Variants in MRE11 observed in about 807,000 individuals in gnomAD.
MRE11 encodes the protein MRE11 double strand break repair nuclease.
In MRE11, 62 loss-of-function variants were observed where a neutral mutation model predicts 91.7. That is an observed-to-expected ratio of 0.68 (90% CI 0.55 to 0.84). The LOEUF is 0.84. Among genes scored for constraint, MRE11 ranks in the 40% least tolerant of loss-of-function variants. MRE11 has a pLI of 0.00. For missense variants in MRE11, 796 were observed against 852.9 expected (o/e 0.93, Z 0.83); for synonymous variants, 273 against 271.4 (o/e 1.01, Z -0.06).
rs538128033 is a variant in MRE11 at position 94,430,809 on chromosome 11, T to C, written c.1995-823A>G. Among the ~76,000 whole-genome samples the C allele has an allele frequency of 1.1e-4, 16 of 152,340 alleles. No homozygotes were observed. In the East Asian group the frequency reaches 3.1e-3, roughly 29 times the overall value. ...AAGCTTAACTTGCAGTAAATTCCTA[T>C]GTCTTTTAATTAATAAGAAATTTAA... is the stretch of plus-strand genomic sequence containing the variant. On this transcript the variant is annotated intron_variant, in intron 18 of 19. Coordinates refer to ENST00000323929, the MANE Select transcript of MRE11 (RefSeq NM_005591.4).
At chr11:94,471,784 A>G (rs1214021077) in intron 7 of MRE11, 25 bp from the exon 8 acceptor site, 2 of 1,570,280 alleles carry the variant, frequency 1.3e-6, no homozygotes, top group Admixed American at 3.4e-5. Context: ...TGAAAAATAT[A>G]AATTCGGTGA....
intron 7 of MRE11, chr11:94,475,709 G>A (rs1407620939): frequency 2.2e-6 from 1 of 444,882 alleles, no homozygotes; most frequent in Non-Finnish European, 4.5e-6. Flanking sequence ...TTGCATATAT[G>A]TAGCAGGAAA....
In MRE11 at chr11:94,459,401, T is replaced by A. The variant is rs1262726842; in HGVS notation, c.1500+7A>T. The stretch of plus-strand genomic sequence containing the variant: ...AATAGACCTAGACACTCAAATTAGT[T>A]ACTTACCTCCTCATCGATTTTGTCT... On this transcript the variant is annotated splice_region_variant and intron_variant, in intron 13 of 19. Transcript: ENST00000323929. The A allele has an allele frequency of 1.2e-6, 2 of 1,613,744 alleles. No homozygotes were observed. The highest frequency in any genetic ancestry group is 1.7e-6 in the Non-Finnish European group (2 of 1,179,762).
chr11:94,451,605 C>G (rs1013651967), intron 14 of MRE11, among the ~76,000 whole-genome samples: 1 of 151,972 alleles, frequency 6.6e-6, no homozygotes, highest in Non-Finnish European at 1.5e-5. Flanking sequence ...ACCAATATAT[C>G]CATTACCAGG....
rs144464343 is a variant in MRE11 at position 94,454,135 on chromosome 11, G to A, written c.1563+2141C>T. On this transcript the variant is annotated intron_variant, in intron 14 of 19. Coordinates refer to ENST00000323929, the MANE Select transcript of MRE11 (RefSeq NM_005591.4). ...GTCATCCAGGTTGGAGTGCAGTGGC[G>A]TCATCTCGGCTCATTGCAACCTCTG... 2.9e-4 allele frequency among the ~76,000 whole-genome samples: 44 copies of A among 150,060 alleles called. No homozygotes were observed. In the East Asian group the frequency reaches 8.2e-3, roughly 28 times the overall value.
intron 14 of MRE11, among the ~76,000 whole-genome samples, chr11:94,452,027 GAAACC>G (rs1423679986): frequency 6.6e-6 from 1 of 152,024 alleles, no homozygotes; most frequent in Non-Finnish European, 1.5e-5. Context: ...CCACCATGGT[GAAACC>G]CTGTCTCTAC....
chr11:94,467,319 C>T (rs561630225), intron 10 of MRE11, among the ~76,000 whole-genome samples: 5 of 151,862 alleles, frequency 3.3e-5, no homozygotes, highest in Non-Finnish European at 7.4e-5. Context: ...ACAAATAAAC[C>T]GTACATAGAT....
intron 10 of MRE11, among the ~76,000 whole-genome samples, chr11:94,467,392 A>C (rs12788484): frequency 0.048 from 7,250 of 152,190 alleles, 432 homozygotes; most frequent in African/African-American, 0.14. Context: ...AGGTAAGTGA[A>C]ATCAGGGCAC....
Position 94,476,282 on chromosome 11 carries a change from G to A in MRE11, c.659+7C>T. On this transcript the variant is annotated splice_region_variant and intron_variant, in intron 7 of 19. Transcript: ENST00000323929. The stretch of plus-strand genomic sequence containing the variant: ...TTGGCTCAAACTTTTTCAGAGAAAA[G>A]TTTTACCTGTTCTGATGAATCACAA... 6.3e-7 allele frequency: 1 copy of A among 1,594,618 alleles called. No homozygotes were observed. The highest frequency in any genetic ancestry group is 2.2e-5 in the East Asian group (1 of 44,702).
chr11:94,498,820 G>A (rs1947454511), upstream of MRE11: 1 of 353,522 alleles, frequency 2.8e-6, no homozygotes, highest in African/African-American at 2.1e-5. Flanking sequence ...GGTATTTTTG[G>A]TGCTGATACA....
chr11:94,471,783 T>C (rs1946723779), intron 7 of MRE11, 24 bp from the exon 8 acceptor site: 1 of 1,576,874 alleles, frequency 6.3e-7, no homozygotes, highest in Non-Finnish European at 8.7e-7. Context: ...TTGAAAAATA[T>C]AAATTCGGTG....
Position 94,429,930 on chromosome 11 carries a change from A to T in MRE11, c.2051T>A (p.Val684Asp). Reference protein sequence around the residue: ...IMSQSQVSKGVDFESSEDDDD... With the variant: ...IMSQSQVSKGDDFESSEDDDD... ...ATTTACCTCACTTGATTCAAAATCA[A>T]CCCCTTTCGATACTTGACTCTGGGA... Residue 684 changes from valine to aspartate, a missense_variant, in exon 19 of 20, where the codon GTT becomes GAT. Physicochemically the swap from Val to Asp is radical, Grantham distance 152 (BLOSUM62 -3). Transcript: ENST00000323929. 6.2e-7 allele frequency: 1 copy of T among 1,613,364 alleles called. No individual in the cohort carries two copies. The highest frequency in any genetic ancestry group is 1.3e-5 in the African/African-American group (1 of 74,906).
In MRE11 at chr11:94,447,380, C is replaced by A. The variant is rs876660758; in HGVS notation, c.1622G>T (p.Ser541Ile). 4.3e-6 allele frequency: 7 copies of A among 1,614,038 alleles called. No homozygotes were observed. In the Admixed American group the frequency reaches 1.0e-4, roughly 23 times the overall value. The change falls in exon 15 of 20, where the codon AGT becomes ATT. Residue 541 changes from serine to isoleucine, a missense_variant. By Grantham distance (142) the Ser-to-Ile change is moderately radical. Transcript: ENST00000323929. Reference protein sequence around the residue: ...SQSEESASAFSADDLMSIDLA... With the variant: ...SQSEESASAFIADDLMSIDLA... ...ATCTATACTCATAAGGTCATCAGCA[C>A]TAAAGGCAGAAGCAGACTCCTCTGA...
At chr11:94,439,841 A>G (rs2134857874) in intron 16 of MRE11, among the ~76,000 whole-genome samples, 1 of 152,378 alleles carries the variant, frequency 6.6e-6, no homozygotes, top group South Asian at 2.1e-4. Context: ...TTGAGAAGTC[A>G]GGATCCAAAC....
chr11:94,445,687 T>G (rs1945906972), intron 16 of MRE11, 123 bp downstream of exon 16: 1 of 772,056 alleles, frequency 1.3e-6, no homozygotes, highest in Non-Finnish European at 2.3e-6. Flanking sequence ...TAATTTATCC[T>G]GTGATCCTAA....
At chr11:94,429,324 A>C (rs1006680462) in intron 19 of MRE11, among the ~76,000 whole-genome samples, 1 of 152,224 alleles carries the variant, frequency 6.6e-6, no homozygotes, top group Non-Finnish European at 1.5e-5. Flanking sequence ...CAGCAATCCC[A>C]TTACTGGCTA....
chr11:94,512,390 C>G, the MRE11 span: 1 of 876,992 alleles, frequency 1.1e-6, no homozygotes, highest in Non-Finnish European at 1.5e-6. Context: ...GCGCGGAATA[C>G]CTAGGGCCTC....
intron 2 of MRE11, among the ~76,000 whole-genome samples, chr11:94,491,853 A>G (rs774590581): frequency 6.6e-6 from 1 of 152,044 alleles, no homozygotes; most frequent in Non-Finnish European, 1.5e-5. Context: ...TTCAAAAATG[A>G]TATGCACACA....
At chr11:94,473,486 T>C (rs183603220) in intron 7 of MRE11, 3 of 152,128 alleles carry the variant, frequency 2.0e-5, no homozygotes, top group Admixed American at 2.0e-4. Flanking sequence ...AAAAAAACAG[T>C]TGATGTAGAG....
Sources: allele counts gnomAD v4.1 joint callset (sites outside exome capture counted in the v4.1 genomes callset), GRCh38; gene constraint gnomAD v4.1.1; transcripts MANE v1.5; gene names NCBI Gene and HGNC (gene_info 2026-07-23, HGNC 2026-07-21).